Variants in MDGA2 observed in about 807,000 individuals in gnomAD.
The protein encoded by MDGA2 is MAM domain containing glycosylphosphatidylinositol anchor 2.
A neutral mutation model predicts 117.8 loss-of-function variants in MDGA2; 40 were observed. The observed-to-expected ratio is 0.34, with a 90% CI of 0.26 to 0.44. The LOEUF is 0.44. Ranked by LOEUF, MDGA2 falls within the 20% of genes least tolerant of loss-of-function variation. The pLI, the probability that MDGA2 is intolerant of heterozygous loss-of-function variation, is 1.00. For missense variants in MDGA2, 1,123 were observed against 1,250.6 expected, an observed-to-expected ratio of 0.90 and a Z score of 1.54; for synonymous variants, 452 against 439.0, an observed-to-expected ratio of 1.03 and a Z score of -0.37.
At chr14:47,561,178 TG>T (rs746048689) in intron 1 of MDGA2, among the ~76,000 whole-genome samples, 2,350 of 117,524 alleles carry the variant, frequency 0.02, 228 homozygotes, top group Non-Finnish European at 0.029. Context: ...TTTGTTTGTT[TG>T]TTTTTTTTTG....
At chr14:47,561,555 T>C (rs916309976) in intron 1 of MDGA2, among the ~76,000 whole-genome samples, 1 of 152,188 alleles carries the variant, frequency 6.6e-6, no homozygotes, top group African/African-American at 2.4e-5. Flanking sequence ...ATGGGAATGC[T>C]ACTGATTTAT....
chr14:47,356,419 C>T (rs191180668), intron 1 of MDGA2, among the ~76,000 whole-genome samples: 78 of 152,246 alleles, frequency 5.1e-4, no homozygotes, highest in African/African-American at 1.3e-3. Flanking sequence ...TCTTAGTTCC[C>T]GTGGCCAGTG....
intron 6 of MDGA2, among the ~76,000 whole-genome samples, chr14:47,088,239 TGACTA>T (rs1226140408): frequency 6.7e-6 from 1 of 148,552 alleles, no homozygotes; most frequent in African/African-American, 2.5e-5. Flanking sequence ...TATATGGCCT[TGACTA>T]ATTTTTAAAA....
At chr14:47,099,571 G>C (rs1176281310) in intron 5 of MDGA2, among the ~76,000 whole-genome samples, 3 of 151,808 alleles carry the variant, frequency 2.0e-5, no homozygotes, top group Non-Finnish European at 4.4e-5. Flanking sequence ...TTGTATATTA[G>C]CCAGGCTACC....
At chr14:47,157,879 T>G (rs942076959) in intron 3 of MDGA2, among the ~76,000 whole-genome samples, 1 of 152,094 alleles carries the variant, frequency 6.6e-6, no homozygotes, top group Non-Finnish European at 1.5e-5. Flanking sequence ...CCTTTAACCA[T>G]GATTTTAAGT....
intron 1 of MDGA2, chr14:47,626,394 G>GCAGCCCTCA (rs1897140577): frequency 6.5e-6 from 1 of 153,110 alleles, no homozygotes; most frequent in African/African-American, 2.4e-5. Flanking sequence ...CAGCCAGCTG[G>GCAGCCCTCA]CAGCCCTCAC....
At chr14:47,427,573 T>C (rs546947217) in intron 1 of MDGA2, among the ~76,000 whole-genome samples, 1 of 152,280 alleles carries the variant, frequency 6.6e-6, no homozygotes, top group South Asian at 2.1e-4. Context: ...CCCTACTATC[T>C]TTTTGCAACA....
intron 6 of MDGA2, among the ~76,000 whole-genome samples, chr14:47,079,498 C>A (rs942046308): frequency 6.6e-6 from 1 of 151,918 alleles, no homozygotes; most frequent in African/African-American, 2.4e-5. Context: ...GCAGGCAAAT[C>A]AAATATGAAA....
intron 1 of MDGA2, among the ~76,000 whole-genome samples, chr14:47,476,568 CT>C (rs926230295): frequency 4.0e-5 from 6 of 150,842 alleles, no homozygotes; most frequent in African/African-American, 1.2e-4. Flanking sequence ...CACAGTGAAA[CT>C]TTTTTTTTAT....
At chr14:47,498,187 T>C (rs1469617669) in intron 1 of MDGA2, among the ~76,000 whole-genome samples, 1 of 152,168 alleles carries the variant, frequency 6.6e-6, no homozygotes, top group Non-Finnish European at 1.5e-5. Context: ...ACAGGAAACC[T>C]GGCATGTTAG....
chr14:47,532,186 G>T (rs1202358127), intron 1 of MDGA2, among the ~76,000 whole-genome samples: 13 of 152,172 alleles, frequency 8.5e-5, no homozygotes, highest in Admixed American at 8.5e-4. Flanking sequence ...CCCTTTAAAG[G>T]CAGAGAAAAA....
intron 5 of MDGA2, among the ~76,000 whole-genome samples, chr14:47,117,774 T>G (rs1358135377): frequency 6.6e-6 from 1 of 152,150 alleles, no homozygotes; most frequent in East Asian, 1.9e-4. Flanking sequence ...GAAGAGTTAC[T>G]AATCAACAGG....
chr14:47,195,004 T>C (rs1043140659), intron 3 of MDGA2, among the ~76,000 whole-genome samples: 1 of 152,076 alleles, frequency 6.6e-6, no homozygotes, highest in African/African-American at 2.4e-5. Flanking sequence ...TATGAATGTG[T>C]TTGATTTAAA....
At chr14:47,079,033 G>GAA (rs755415080) in intron 6 of MDGA2, among the ~76,000 whole-genome samples, 67 of 136,508 alleles carry the variant, frequency 4.9e-4, no homozygotes, top group African/African-American at 1.7e-3. Context: ...TAAGTGAGAT[G>GAA]AAAAAAAAAA....
chr14:47,009,212 T>C (rs1371292725), intron 8 of MDGA2, among the ~76,000 whole-genome samples: 2 of 152,042 alleles, frequency 1.3e-5, no homozygotes, highest in Non-Finnish European at 2.9e-5. Context: ...TTTTTGCTTA[T>C]ATATAAATTT....
chr14:47,174,864 GT>G lies in MDGA2; in HGVS notation c.596-30591del, dbSNP rs1397145830. ...AAAAAATTAATGAATCCAGGAGCGG[GT>G]TTTTTGAAAGGATCAACAAAATTCA... On this transcript the variant is annotated intron_variant, in intron 3 of 16. Coordinates refer to ENST00000399232, the MANE Select transcript of MDGA2 (RefSeq NM_001113498.3). Among the ~76,000 whole-genome samples, 9 of 152,132 alleles carry G rather than the reference GT, an allele frequency of 5.9e-5. No homozygotes were observed. In the East Asian group the frequency reaches 1.7e-3, roughly 29 times the overall value.
chr14:47,008,060 T>C (rs895072594), intron 8 of MDGA2, among the ~76,000 whole-genome samples: 5 of 151,854 alleles, frequency 3.3e-5, no homozygotes, highest in African/African-American at 7.2e-5. Flanking sequence ...AAGCATCAAA[T>C]GGTAACCAGT....
intron 4 of MDGA2, among the ~76,000 whole-genome samples, chr14:47,139,101 AC>A (rs1190361490): frequency 3.3e-5 from 5 of 152,140 alleles, no homozygotes; most frequent in African/African-American, 1.2e-4. Context: ...TAAAAACAAG[AC>A]ATTATTATTA....
chr14:47,227,445 C>A (rs971527961), intron 2 of MDGA2, among the ~76,000 whole-genome samples: 1 of 152,156 alleles, frequency 6.6e-6, no homozygotes, highest in African/African-American at 2.4e-5. Context: ...CCTTTCCTCT[C>A]CTGCTTTCTT....
Sources: allele counts gnomAD v4.1 joint callset (sites outside exome capture counted in the v4.1 genomes callset), GRCh38; gene constraint gnomAD v4.1.1; transcripts MANE v1.5; gene names NCBI Gene and HGNC (gene_info 2026-07-23, HGNC 2026-07-21).